Variants in DPP10 observed in about 807,000 individuals in gnomAD.
The protein encoded by DPP10 is inactive dipeptidyl peptidase 10.
DPP10 carries 33 observed loss-of-function variants against 120.9 expected under a neutral mutation model. The ratio of observed to expected loss-of-function variants is 0.27; its 90% CI spans 0.21 to 0.37. DPP10 has a LOEUF of 0.37. DPP10 is among the 10% of genes least tolerant of loss of function. The probability of loss-of-function intolerance (pLI) is 1.00; values close to 1 mark genes in which losing one functional copy is unlikely to be tolerated. For synonymous variants in DPP10, 337 were observed against 326.1 expected, an observed-to-expected ratio of 1.03 and a Z score of -0.36; for missense variants, 816 against 942.8, an observed-to-expected ratio of 0.87 and a Z score of 1.76.
At chr2:114,559,112 A>T (rs951311786) in intron 1 of DPP10, among the ~76,000 whole-genome samples, 18 of 152,184 alleles carry the variant, frequency 1.2e-4, no homozygotes, top group African/African-American at 4.3e-4. Context: ...TGGGCAGAAT[A>T]ATGCCCCTTC....
At chr2:115,629,407 G>T (rs1028078728) in intron 5 of DPP10, among the ~76,000 whole-genome samples, 1 of 151,948 alleles carries the variant, frequency 6.6e-6, no homozygotes, top group Non-Finnish European at 1.5e-5. Context: ...TTCCACAATG[G>T]TTGAACTAGT....
chr2:115,496,998 G>A (rs1325225823), intron 3 of DPP10, among the ~76,000 whole-genome samples: 2 of 151,968 alleles, frequency 1.3e-5, no homozygotes, highest in African/African-American at 4.8e-5. Context: ...TCACAGGACT[G>A]GTTGAGTCAT....
intron 3 of DPP10, among the ~76,000 whole-genome samples, chr2:115,350,338 T>G (rs2106297576): frequency 6.6e-6 from 1 of 152,224 alleles, no homozygotes; most frequent in Admixed American, 6.5e-5. Flanking sequence ...GCCAAAATAT[T>G]AAATAATTTT....
chr2:115,540,409 C>A (rs998948114), intron 5 of DPP10, among the ~76,000 whole-genome samples: 28 of 151,750 alleles, frequency 1.8e-4, no homozygotes, highest in Non-Finnish European at 3.8e-4. Context: ...ACATTATAGT[C>A]ATTTGTTTGT....
At chr2:115,648,973 A>T (rs764125803) in intron 5 of DPP10, among the ~76,000 whole-genome samples, 23 of 152,258 alleles carry the variant, frequency 1.5e-4, no homozygotes, top group Non-Finnish European at 2.8e-4. Context: ...AGGTGGCAGG[A>T]CTGGCACAGG....
intron 5 of DPP10, among the ~76,000 whole-genome samples, chr2:115,619,958 G>T (rs2084822043): frequency 6.6e-6 from 1 of 152,130 alleles, no homozygotes; most frequent in Admixed American, 6.5e-5. Context: ...TGAGACAAAA[G>T]ATTTATTCTG....
chr2:115,004,953 G>A (rs1208734822), intron 1 of DPP10, among the ~76,000 whole-genome samples: 1 of 152,092 alleles, frequency 6.6e-6, no homozygotes, highest in Non-Finnish European at 1.5e-5. Flanking sequence ...AACCTCTGCA[G>A]ACTTAAATGT....
intron 1 of DPP10, among the ~76,000 whole-genome samples, chr2:115,141,230 T>G (rs1027907846): frequency 6.6e-6 from 1 of 152,214 alleles, no homozygotes; most frequent in African/African-American, 2.4e-5. Context: ...GCAGTTCTTA[T>G]AAATCAGAGA....
chr2:114,956,291 C>T (rs573795632), intron 1 of DPP10, among the ~76,000 whole-genome samples: 1 of 151,800 alleles, frequency 6.6e-6, no homozygotes, highest in East Asian at 1.9e-4. Flanking sequence ...TTCCTTTATA[C>T]TAACAACAAA....
chr2:115,080,565 G>C (rs564947609), intron 1 of DPP10, among the ~76,000 whole-genome samples: 1 of 152,218 alleles, frequency 6.6e-6, no homozygotes, highest in South Asian at 2.1e-4. Flanking sequence ...TCTATGAATT[G>C]TCTGTGGCTG....
At chr2:115,161,868 G>A in intron 1 of DPP10, 1 of 1,291,838 alleles carries the variant, frequency 7.7e-7, no homozygotes, top group Non-Finnish European at 1.0e-6. Context: ...GGGAGCGACG[G>A]GCGCCCGTGA....
At chr2:114,837,933 C>G (rs191424137) in intron 1 of DPP10, among the ~76,000 whole-genome samples, 1 of 152,308 alleles carries the variant, frequency 6.6e-6, no homozygotes, top group East Asian at 1.9e-4. Context: ...GTAGAATAAG[C>G]TATGCTGTGG....
intron 3 of DPP10, among the ~76,000 whole-genome samples, chr2:115,434,102 A>T (rs1432653115): frequency 6.6e-6 from 1 of 152,014 alleles, no homozygotes; most frequent in Non-Finnish European, 1.5e-5. Flanking sequence ...CAATTACTAT[A>T]CATATATGAG....
At chr2:115,193,595 A>G (rs1232037577) in intron 1 of DPP10, among the ~76,000 whole-genome samples, 4 of 152,180 alleles carry the variant, frequency 2.6e-5, no homozygotes, top group South Asian at 2.1e-4. Flanking sequence ...GGTCTTTGCT[A>G]TTAATAAGCC....
At chr2:115,216,095 A>G (rs2105379939) in intron 1 of DPP10, among the ~76,000 whole-genome samples, 1 of 152,276 alleles carries the variant, frequency 6.6e-6, no homozygotes, top group African/African-American at 2.4e-5. Context: ...TGTGGGCGCT[A>G]AACAATGTGT....
intron 1 of DPP10, among the ~76,000 whole-genome samples, chr2:114,507,521 T>C (rs1355864798): frequency 1.3e-5 from 2 of 152,226 alleles, no homozygotes; most frequent in Admixed American, 6.5e-5. Context: ...AGAAACAACA[T>C]GATTCATATA....
At chr2:115,537,888 A>G (rs937040032) in intron 5 of DPP10, among the ~76,000 whole-genome samples, 4 of 151,884 alleles carry the variant, frequency 2.6e-5, no homozygotes, top group Admixed American at 6.6e-5. Flanking sequence ...GCTCATTCAC[A>G]TGGCTGGCAA....
intron 3 of DPP10, among the ~76,000 whole-genome samples, chr2:115,350,558 G>A (rs1053299620): frequency 1.3e-5 from 2 of 152,034 alleles, no homozygotes; most frequent in Non-Finnish European, 2.9e-5. Flanking sequence ...TATTAATTTT[G>A]TTATTCTGCC....
At chr2:114,697,646 A>G (rs1559013794) in intron 1 of DPP10, among the ~76,000 whole-genome samples, 1 of 150,218 alleles carries the variant, frequency 6.7e-6, no homozygotes, top group East Asian at 2.0e-4. Context: ...GCTACTTGAG[A>G]GGCTAAGGCA....
Sources: gnomAD v4.1 joint callset for allele counts (sites outside exome capture counted in the v4.1 genomes callset) on GRCh38, gnomAD v4.1.1 for gene constraint, MANE v1.5 for transcripts, NCBI Gene and HGNC (gene_info 2026-07-23, HGNC 2026-07-21) for gene names.